Variants in EPAS1 observed in about 807,000 individuals in gnomAD.
The protein encoded by EPAS1 is endothelial PAS domain-containing protein 1.
A neutral mutation model predicts 87.9 loss-of-function variants in EPAS1; 23 were observed. The ratio of observed to expected loss-of-function variants is 0.26; its 90% CI spans 0.19 to 0.37. The LOEUF (loss-of-function observed/expected upper bound fraction) is 0.37. EPAS1 is among the 10% of genes least tolerant of loss of function. The pLI is 1.00. For missense variants in EPAS1, 1,138 were observed against 1,120.7 expected (o/e 1.02, Z -0.22); for synonymous variants, 508 against 444.3 (o/e 1.14, Z -1.80).
intron 6 of EPAS1, among the ~76,000 whole-genome samples, chr2:46,362,957 G>C (rs796862439): frequency 1.3e-5 from 1 of 79,824 alleles, no homozygotes; most frequent in Non-Finnish European, 2.2e-5. Context: ...ATTGTTAGTG[G>C]TGGTGGTGGT....
At chr2:46,362,977 A>AGTGGTGGTGGTGGTG (rs75642579) in intron 6 of EPAS1, among the ~76,000 whole-genome samples, 20 of 104,374 alleles carry the variant, frequency 1.9e-4, no homozygotes, top group Admixed American at 5.0e-4. Flanking sequence ...TGGTGGTGGT[A>AGTGGTGGTGGTGGTG]GTGGTGGTGG....
At chr2:46,361,789 G>A (rs1684393913) in intron 6 of EPAS1, among the ~76,000 whole-genome samples, 1 of 152,204 alleles carries the variant, frequency 6.6e-6, no homozygotes, top group South Asian at 2.1e-4. Context: ...GGCATGTCAT[G>A]CCATCTCGGG....
chr2:46,319,484 T>G (rs936760210), intron 1 of EPAS1, among the ~76,000 whole-genome samples: 1 of 152,266 alleles, frequency 6.6e-6, no homozygotes, highest in Non-Finnish European at 1.5e-5. Context: ...TTAAAGAAAG[T>G]ATCATTCAGA....
intron 1 of EPAS1, among the ~76,000 whole-genome samples, chr2:46,339,961 A>G (rs1217215239): frequency 6.6e-6 from 1 of 152,186 alleles, no homozygotes; most frequent in Admixed American, 6.5e-5. Context: ...ATACCATCAC[A>G]TTGGGAGTGG....
Position 46,363,014 on chromosome 2 carries a change from G to GA in EPAS1, c.779+1924_779+1925insA, listed in dbSNP as rs1558603179. Among the ~76,000 whole-genome samples the GA allele has an allele frequency of 7.1e-3, 1,002 of 140,982 alleles. 15 individuals carry two copies. The highest frequency in any genetic ancestry group is 9.0e-3 in the Non-Finnish European group (587 of 65,482). The allele number at this position is 140,982 out of a possible 152,430, so 92.5% of individuals were successfully genotyped here. A position where few individuals can be genotyped will look rare whatever the true frequency, so the allele number is the denominator to read the frequency against. Reference sequence around the variant, plus strand: ...GGTGGTGGTGGTGGTGGTGGTGGTGGTGGTGATAATGATGGTGGTTCAAGA... The same window carrying GA: ...GGTGGTGGTGGTGGTGGTGGTGGTGGATGGTGATAATGATGGTGGTTCAAGA... On this transcript the variant is annotated intron_variant, in intron 6 of 15. Transcript: ENST00000263734.
In EPAS1 at chr2:46,377,886, C is replaced by T; in HGVS notation, c.1250-8C>T. On this transcript the variant is annotated splice_region_variant and splice_polypyrimidine_tract_variant and intron_variant, in intron 9 of 15. Coordinates refer to ENST00000263734, the MANE Select transcript of EPAS1 (RefSeq NM_001430.5). ...GGGTGTTCACCTCCCAGGCCCTTGT[C>T]TCCACAGGGAATCAGAACTTCGAGG... 1 of 1,552,046 alleles carries T rather than the reference C, an allele frequency of 6.4e-7. No homozygotes were observed. Among genetic ancestry groups the T allele is most frequent in the Non-Finnish European group, 8.7e-7 (1 of 1,147,132 alleles).
intron 1 of EPAS1, among the ~76,000 whole-genome samples, chr2:46,317,247 T>C (rs1683362011): frequency 6.6e-6 from 1 of 152,238 alleles, no homozygotes; most frequent in African/African-American, 2.4e-5. Context: ...GTATCTAGAA[T>C]GGTGAACTCT....
chr2:46,299,011 G>A (rs1399369605), intron 1 of EPAS1, among the ~76,000 whole-genome samples: 18 of 152,244 alleles, frequency 1.2e-4, no homozygotes, highest in Admixed American at 1.2e-3. Flanking sequence ...ACGCGCGGCC[G>A]GCTGAACCGC....
chr2:46,334,368 A>G (rs903384813), intron 1 of EPAS1, among the ~76,000 whole-genome samples: 1 of 152,174 alleles, frequency 6.6e-6, no homozygotes, highest in Admixed American at 6.5e-5. Context: ...CTCCCCACCC[A>G]GATTCTCAAT....
chr2:46,367,641 G>A lies in EPAS1; in HGVS notation c.780-2186G>A, dbSNP rs149375069. Among the ~76,000 whole-genome samples the A allele has an allele frequency of 2.6e-5, 4 of 152,342 alleles. No individual in the cohort carries two copies. The East Asian group carries it at 5.8e-4, about 22-fold the overall frequency. On this transcript the variant is annotated intron_variant, in intron 6 of 15. Transcript: ENST00000263734. The stretch of plus-strand genomic sequence containing the variant: ...GAGACCTCTCTGCTCAGGGCCAAGC[G>A]ACGGGACAGATCCTTCTGCTCTGAG...
At chr2:46,368,727 G>A (rs1239257488) in intron 6 of EPAS1, among the ~76,000 whole-genome samples, 2 of 152,176 alleles carry the variant, frequency 1.3e-5, no homozygotes, top group Non-Finnish European at 2.9e-5. Context: ...CATGCCTTCT[G>A]AAGTAGAGTT....
At chr2:46,301,044 A>G (rs1441325674) in intron 1 of EPAS1, among the ~76,000 whole-genome samples, 2 of 152,250 alleles carry the variant, frequency 1.3e-5, no homozygotes, top group African/African-American at 4.8e-5. Context: ...GCAGGATGAT[A>G]CAGAATTGAT....
At chr2:46,361,116 G>A (rs1474300504) in intron 6 of EPAS1, 26 bp downstream of exon 6, 2 of 1,611,762 alleles carry the variant, frequency 1.2e-6, no homozygotes, top group Non-Finnish European at 1.7e-6. Flanking sequence ...TGTGTATGCT[G>A]TGGGCAGAGA....
At position 46,360,649 on chromosome 2, in the gene EPAS1, G is replaced by T. The variant is rs377257704; in HGVS notation, c.466G>T (p.Gly156Trp). The T allele has an allele frequency of 2.4e-5, 38 of 1,613,802 alleles. No individual in the cohort carries two copies. The highest frequency in any genetic ancestry group is 3.3e-5 in the Admixed American group (2 of 60,006). Residue 156 changes from glycine (G) to tryptophan (W), a missense_variant, in exon 5 of 16, where the codon GGG (glycine) becomes TGG (tryptophan). Gly to Trp is a radical substitution (Grantham distance 184). Around this residue, in one of 4 missense-constraint regions of EPAS1, gnomAD observed 351 missense variants for 417.1 expected, o/e 0.84. Transcript: ENST00000263734. The surrounding 1 kb of genome is among the most constrained non-coding windows in gnomAD (Gnocchi z 4.5). Reference sequence around the variant, plus strand: ...CCTTCCACATCCAGGCTCTGGTTTTGGGAAAAAAAGCAAAGACATGTCCAC... The same window carrying T: ...CCTTCCACATCCAGGCTCTGGTTTTTGGAAAAAAAGCAAAGACATGTCCAC... The part of the protein sequence containing the change: ...NLSLKNGSGF[G>W]KKSKDMSTER...
rs756514100 is a variant in EPAS1, at chr2:46,346,272, C to T, written c.27-601C>T. 1.1e-4 allele frequency among the ~76,000 whole-genome samples: 16 copies of T among 152,190 alleles called. No individual in the cohort carries two copies. The highest frequency in any genetic ancestry group is 1.2e-4 in the Non-Finnish European group (8 of 68,044). The stretch of plus-strand genomic sequence containing the variant: ...CACTCCTTTTTAATCCTTGACAGAA[C>T]GCACGTTGGTACTCTAGACTGTTGG... On this transcript the variant is annotated intron_variant, in intron 1 of 15. Coordinates refer to ENST00000263734, the MANE Select transcript of EPAS1 (RefSeq NM_001430.5). The surrounding 1 kb of genome is among the most constrained non-coding windows in gnomAD (Gnocchi z 4.0).
chr2:46,302,948 C>T (rs1333824633), intron 1 of EPAS1, among the ~76,000 whole-genome samples: 1 of 152,108 alleles, frequency 6.6e-6, no homozygotes, highest in Non-Finnish European at 1.5e-5. Context: ...TGGCGTATGC[C>T]TGTAGTCCCA....
At chr2:46,353,948 C>T (rs75561989) in intron 2 of EPAS1, among the ~76,000 whole-genome samples, 5,615 of 152,340 alleles carry the variant, frequency 0.037, 335 homozygotes, top group African/African-American at 0.13. Context: ...TGCCCATCCC[C>T]GGACAGGACC....
intron 9 of EPAS1, 87 bp downstream of exon 9, chr2:46,376,840 C>G: frequency 7.1e-7 from 1 of 1,415,962 alleles, no homozygotes; most frequent in Non-Finnish European, 9.8e-7. Flanking sequence ...CTGGCTGCAG[C>G]TTTTTCTTAA....
chr2:46,360,721 G>A lies in EPAS1; in HGVS notation c.538G>A (p.Gly180Ser), dbSNP rs766889111. Residue 180 changes from glycine to serine, a missense_variant, in exon 5 of 16, where the codon GGC (glycine) becomes AGC (serine). By Grantham distance (56) the Gly-to-Ser change is moderately conservative. Transcript: ENST00000263734. This position sits in a 1 kb window ranked among gnomAD's most constrained non-coding sequence, Gnocchi z 4.5. Reference sequence around the variant, plus strand: ...GATGAAGTGCACGGTCACCAACAGAGGCCGTACTGTCAACCTCAAGTCAGC... The same window carrying A: ...GATGAAGTGCACGGTCACCAACAGAAGCCGTACTGTCAACCTCAAGTCAGC... ...MRMKCTVTNR[G>S]RTVNLKSATW... 2 of 1,614,012 alleles carry A rather than the reference G, an allele frequency of 1.2e-6. No homozygotes were observed. The highest frequency in any genetic ancestry group is 1.7e-6 in the Non-Finnish European group (2 of 1,180,016).
Sources: allele counts gnomAD v4.1 joint callset (sites outside exome capture counted in the v4.1 genomes callset), GRCh38; gene constraint gnomAD v4.1.1; regional missense constraint gnomAD v4.1.1; non-coding constraint Gnocchi (gnomAD v3.1); transcripts MANE v1.5; gene names NCBI Gene and HGNC (gene_info 2026-07-23, HGNC 2026-07-21).